The following TRHDE variants were observed in gnomAD, a reference collection of about 807,000 sequenced individuals.
TRHDE encodes thyrotropin releasing hormone degrading enzyme.
Under a neutral mutation model 125.7 loss-of-function variants are expected in TRHDE, and 72 were observed. The observed-to-expected ratio is 0.57, with a 90% CI of 0.47 to 0.70. The LOEUF (loss-of-function observed/expected upper bound fraction) is 0.70. TRHDE is among the 30% of genes least tolerant of loss of function. The pLI, the probability that TRHDE is intolerant of heterozygous loss-of-function variation, is 0.00. For missense variants in TRHDE, 1,110 were observed against 1,327.1 expected, an observed-to-expected ratio of 0.84 and a Z score of 2.54; for synonymous variants, 509 against 509.1, an observed-to-expected ratio of 1.00 and a Z score of 0.00.
intron 2 of TRHDE, among the ~76,000 whole-genome samples, chr12:72,369,514 T>C (rs1259907665): frequency 6.6e-6 from 1 of 152,186 alleles, no homozygotes; most frequent in African/African-American, 2.4e-5. Flanking sequence ...CATTATTTTC[T>C]CTTCAAAATA....
chr12:72,160,728 GA>G (rs1397323250), intron 2 of TRHDE, among the ~76,000 whole-genome samples: 1 of 151,884 alleles, frequency 6.6e-6, no homozygotes, highest in Non-Finnish European at 1.5e-5. Context: ...CAAAACAAAA[GA>G]AAAAACTTCC....
At chr12:72,519,464 G>C (rs560402668) in intron 6 of TRHDE, among the ~76,000 whole-genome samples, 1 of 151,970 alleles carries the variant, frequency 6.6e-6, no homozygotes, top group Non-Finnish European at 1.5e-5. Context: ...CATTCTTCAC[G>C]TAGTTCTCGA....
In TRHDE at chr12:72,663,929, C is replaced by T. The variant is rs1402739768; in HGVS notation, c.*734C>T. 6.6e-6 allele frequency: 1 copy of T among 152,158 alleles called. No homozygotes were observed. The highest frequency in any genetic ancestry group is 2.1e-4 in the South Asian group (1 of 4,822). The allele number at this position is 152,158 out of a possible 1,614,324, so 9.4% of individuals were successfully genotyped here. A position where few individuals can be genotyped will look rare whatever the true frequency, so the allele number is the denominator to read the frequency against. On this transcript the variant is annotated 3_prime_UTR_variant, in exon 19 of 19. Transcript: ENST00000261180. Reference sequence around the variant, plus strand: ...TAGTATGTTGTACACTGCACATGTACAAAGAATGTCTTCAGATCAAAGAAA... The same window carrying T: ...TAGTATGTTGTACACTGCACATGTATAAAGAATGTCTTCAGATCAAAGAAA...
At chr12:72,523,934 C>T (rs538321616) in intron 6 of TRHDE, among the ~76,000 whole-genome samples, 9 of 152,182 alleles carry the variant, frequency 5.9e-5, no homozygotes, top group South Asian at 4.1e-4. Context: ...AAGCAGAAGC[C>T]GGAAGTGAAA....
intron 1 of TRHDE, among the ~76,000 whole-genome samples, chr12:72,093,381 A>T (rs758500934): frequency 3.3e-5 from 5 of 152,100 alleles, no homozygotes; most frequent in Non-Finnish European, 5.9e-5. Context: ...AAGAGTTGTG[A>T]AGTTTTCAGT....
At chr12:72,262,931 ATCTT>A (rs1478135556) in intron 2 of TRHDE, 1 of 152,154 alleles carries the variant, frequency 6.6e-6, no homozygotes, top group African/African-American at 2.4e-5. Flanking sequence ...TGTCAAGAAA[ATCTT>A]TAGTGCAGTC....
chr12:72,354,938 G>A lies in TRHDE; in HGVS notation c.1189-23057G>A, dbSNP rs77891171. Reference sequence around the variant, plus strand: ...ATGTCAAATGTGATAAGTACTATGAGATAGGAATTTGCAGAGTAGAGTGGA... The same window carrying A: ...ATGTCAAATGTGATAAGTACTATGAAATAGGAATTTGCAGAGTAGAGTGGA... On this transcript the variant is annotated intron_variant, in intron 2 of 18. Transcript: ENST00000261180. 7.9e-5 allele frequency among the ~76,000 whole-genome samples: 12 copies of A among 151,468 alleles called. No homozygotes were observed. The East Asian group carries it at 2.3e-3, about 30-fold the overall frequency.
intron 12 of TRHDE, among the ~76,000 whole-genome samples, chr12:72,583,369 G>A (rs1468417346): frequency 5.3e-5 from 8 of 152,114 alleles, no homozygotes; most frequent in Non-Finnish European, 1.0e-4. Context: ...CGTTCCAGGA[G>A]CTTCATGGCC....
chr12:72,276,992 A>G lies in TRHDE; in HGVS notation c.914+3435A>G, dbSNP rs1373920358. Among the ~76,000 whole-genome samples, 6 of 152,314 alleles carry G rather than the reference A, an allele frequency of 3.9e-5. 1 individual carries two copies. Among genetic ancestry groups the G allele is most frequent in the African/African-American group, 1.4e-4 (6 of 41,574 alleles). On this transcript the variant is annotated intron_variant, in intron 1 of 18. Coordinates refer to ENST00000261180, the MANE Select transcript of TRHDE (RefSeq NM_013381.3). ...AGCGCACCCGTGTTCAAAGTAGGGTACCTTAATTTAGATCCAGATGGTTGA... is the reference window on the plus strand; with the variant it reads ...AGCGCACCCGTGTTCAAAGTAGGGTGCCTTAATTTAGATCCAGATGGTTGA...
At chr12:72,442,920 C>T (rs1225408176) in intron 3 of TRHDE, among the ~76,000 whole-genome samples, 1 of 151,896 alleles carries the variant, frequency 6.6e-6, no homozygotes, top group Non-Finnish European at 1.5e-5. Context: ...ACTCACTTGT[C>T]ACTTATTTCC....
At chr12:72,380,782 C>G (rs1005812073) in intron 3 of TRHDE, among the ~76,000 whole-genome samples, 65 of 131,394 alleles carry the variant, frequency 4.9e-4, no homozygotes, top group African/African-American at 1.9e-3. Context: ...TTCCTTCCTT[C>G]CTTCCTTCCT....
intron 3 of TRHDE, among the ~76,000 whole-genome samples, chr12:72,467,163 A>G (rs943668074): frequency 6.6e-6 from 1 of 152,156 alleles, no homozygotes; most frequent in African/African-American, 2.4e-5. Context: ...TACATGTGCC[A>G]TGTTGGTGTG....
At chr12:72,499,123 G>A (rs1190421525) in intron 5 of TRHDE, among the ~76,000 whole-genome samples, 1 of 152,082 alleles carries the variant, frequency 6.6e-6, no homozygotes, top group Non-Finnish European at 1.5e-5. Context: ...TTACCTAAAA[G>A]GTGATTTGGG....
chr12:72,094,181 T>A (rs1300849754), intron 1 of TRHDE, among the ~76,000 whole-genome samples: 1 of 152,048 alleles, frequency 6.6e-6, no homozygotes, highest in Non-Finnish European at 1.5e-5. Context: ...CCAGTAGGAC[T>A]GGTGCTAGAA....
In TRHDE at chr12:72,286,842, A is replaced by G. The variant is rs1383419271; in HGVS notation, c.1076A>G (p.Asp359Gly). ...GTGGAAACTTCCGTGTTTGAGGAAG[A>G]TGGATGGGTTACGGATCACTTTTCA... ...MPVETSVFEE[D>G]GWVTDHFSQT... The change falls in exon 2 of 19, where the codon GAT becomes GGT. Residue 359 changes from aspartate (D) to glycine (G), a missense_variant. By Grantham distance (94) the Asp-to-Gly change is moderately conservative. Coordinates refer to ENST00000261180, the MANE Select transcript of TRHDE (RefSeq NM_013381.3). The G allele has an allele frequency of 6.2e-7, 1 of 1,613,910 alleles. No homozygotes were observed. Among genetic ancestry groups the G allele is most frequent in the South Asian group, 1.1e-5 (1 of 91,046 alleles).
At position 72,273,530 on chromosome 12, in the gene TRHDE, G is replaced by C. The variant is rs1422398331; in HGVS notation, c.887G>C (p.Ser296Thr). Reference sequence around the variant, plus strand: ...AATGAGCTCCTGGGCTTCTTCCGCAGCTCCTATGTGCTCCACGGGGAGAGA... The same window carrying C: ...AATGAGCTCCTGGGCTTCTTCCGCACCTCCTATGTGCTCCACGGGGAGAGA... ...IENELLGFFR[S>T]SYVLHGERRF... Residue 296 changes from serine to threonine, a missense_variant, in exon 1 of 19, where the codon AGC becomes ACC. Coordinates refer to ENST00000261180, the MANE Select transcript of TRHDE (RefSeq NM_013381.3). This position sits in a 1 kb window ranked among gnomAD's most constrained non-coding sequence, Gnocchi z 5.3. 6.2e-7 allele frequency: 1 copy of C among 1,602,042 alleles called. No homozygotes were observed. Among genetic ancestry groups the C allele is most frequent in the Non-Finnish European group, 8.5e-7 (1 of 1,178,550 alleles).
chr12:72,264,525 G>C (rs965714254), intron 2 of TRHDE: 2 of 152,040 alleles, frequency 1.3e-5, no homozygotes, highest in South Asian at 2.1e-4. Flanking sequence ...AATGAATATC[G>C]ATTTTTGTGT....
chr12:72,379,007 C>T (rs1444556749), intron 3 of TRHDE, among the ~76,000 whole-genome samples: 1 of 152,192 alleles, frequency 6.6e-6, no homozygotes, highest in African/African-American at 2.4e-5. Context: ...CCCCTCTCTT[C>T]CCTCCTCTTC....
chr12:72,292,779 T>C (rs1034834229), intron 2 of TRHDE, among the ~76,000 whole-genome samples: 1 of 152,202 alleles, frequency 6.6e-6, no homozygotes, highest in African/African-American at 2.4e-5. Context: ...TTTCAAGGCT[T>C]TTGATATGAC....
Sources: allele counts gnomAD v4.1 joint callset (sites outside exome capture counted in the v4.1 genomes callset), GRCh38; gene constraint gnomAD v4.1.1; non-coding constraint Gnocchi (gnomAD v3.1); transcripts MANE v1.5; gene names NCBI Gene and HGNC (gene_info 2026-07-23, HGNC 2026-07-21).